INTS1: variants seen among roughly 807,000 people sequenced by gnomAD.
The protein encoded by INTS1 is integrator complex subunit 1.
In INTS1, 137 loss-of-function variants were observed where a neutral mutation model predicts 241.6. The observed-to-expected ratio is 0.57, with a 90% CI of 0.49 to 0.65. The LOEUF is 0.65. INTS1 is among the 30% of genes least tolerant of loss of function. The pLI, the probability that INTS1 is intolerant of heterozygous loss-of-function variation, is 0.00. For missense variants in INTS1, 3,073 were observed against 3,032.2 expected (o/e 1.01, Z -0.32); for synonymous variants, 1,692 against 1,337.8 (o/e 1.26, Z -5.78).
intron 16 of INTS1, 135 bp downstream of exon 16, chr7:1,492,875 C>G (rs1164660419): frequency 2.0e-6 from 1 of 508,750 alleles, no homozygotes; most frequent in Non-Finnish European, 3.4e-6. Context: ...CGGGCTTACC[C>G]GGGCGGGAGT....
At chr7:1,500,859 C>A (rs1186962025) in intron 3 of INTS1, 1 of 156,334 alleles carries the variant, frequency 6.4e-6, no homozygotes, top group Non-Finnish European at 1.4e-5. Flanking sequence ...GACCCTCCCA[C>A]ATCCTCTGAG....
rs1583147492 is a variant in INTS1, at chr7:1,494,035, C to G, written c.1911-124G>C. 16 of 1,221,864 alleles carry G rather than the reference C, an allele frequency of 1.3e-5. No homozygotes were observed. The East Asian group carries it at 4.2e-4, about 32-fold the overall frequency. The allele number at this position is 1,221,864 out of a possible 1,614,324, so 75.7% of individuals were successfully genotyped here. A position where few individuals can be genotyped will look rare whatever the true frequency, so the allele number is the denominator to read the frequency against. On this transcript the variant is annotated intron_variant, in intron 14 of 47. Transcript: ENST00000404767. Reference sequence around the variant, plus strand: ...TGGTGGCAGAGGGCTGCTGCTGCCTCCCACGAGCCTATCCCCTCCAACCTG... The same window carrying G: ...TGGTGGCAGAGGGCTGCTGCTGCCTGCCACGAGCCTATCCCCTCCAACCTG...
At chr7:1,487,598 C>G in intron 19 of INTS1, 149 bp from the exon 20 acceptor site, 1 of 1,285,292 alleles carries the variant, frequency 7.8e-7, no homozygotes, top group Non-Finnish European at 1.1e-6. Flanking sequence ...GGCCTGGCCC[C>G]ACAGCAGTAA....
At chr7:1,499,709 G>T (rs1783061601) in intron 5 of INTS1, 77 bp from the exon 6 acceptor site, 1 of 1,507,928 alleles carries the variant, frequency 6.6e-7, no homozygotes, top group African/African-American at 1.4e-5. Context: ...CTGCTGCCCG[G>T]GGACTGGGTG....
chr7:1,498,808 G>A lies in INTS1; in HGVS notation c.1182C>T (p.Asn394=), dbSNP rs1401636032. 1.2e-6 allele frequency: 2 copies of A among 1,605,498 alleles called. No homozygotes were observed. Among genetic ancestry groups the A allele is most frequent in the South Asian group, 2.3e-5 (2 of 88,772 alleles). The change falls in exon 9 of 48, where the codon AAC becomes AAT. Residue 394 remains asparagine, a synonymous_variant. Coordinates refer to ENST00000404767, the MANE Select transcript of INTS1 (RefSeq NM_001080453.3). ...TGTCTTCGGAACCGTGCGTGTTGCA[G>A]TTCATGCAGACGGACATCAGCAGGT... ...AQDLLMSVCM[N]CNTHGSEDMD... is the part of the protein sequence containing the mutation.
At chr7:1,501,605 G>A (rs557868414) in intron 3 of INTS1, among the ~76,000 whole-genome samples, 7 of 152,310 alleles carry the variant, frequency 4.6e-5, no homozygotes, top group Non-Finnish European at 8.8e-5. Flanking sequence ...AGGAGGTAGT[G>A]CTAAAGATAA....
chr7:1,486,630 T>G lies in INTS1; in HGVS notation c.2971A>C (p.Met991Leu), dbSNP rs376717716. Reference protein sequence around the residue: ...SSQVASRVLAMKGLSLVLSEG... With the variant: ...SSQVASRVLALKGLSLVLSEG... ...AGACCCGCCCACCACCTCACCTTCA[T>G]GGCCAGCACGCGGGAGGCCACCTGG... The change falls in exon 22 of 48, where the codon ATG (methionine) becomes CTG (leucine). Residue 991 changes from methionine (M) to leucine (L), a missense_variant. By Grantham distance (15) the Met-to-Leu change is conservative. Coordinates refer to ENST00000404767, the MANE Select transcript of INTS1 (RefSeq NM_001080453.3). The G allele has an allele frequency of 2.5e-6, 4 of 1,611,436 alleles. No homozygotes were observed. The African/African-American group carries it at 5.3e-5, about 22-fold the overall frequency.
chr7:1,471,354 G>T, intron 45 of INTS1, 130 bp from the exon 46 acceptor site: 1 of 1,059,302 alleles, frequency 9.4e-7, no homozygotes, highest in Non-Finnish European at 1.4e-6. Flanking sequence ...AAGGCAGGAC[G>T]CACGTGCCAC....
chr7:1,473,467 G>A, intron 42 of INTS1, 99 bp downstream of exon 42: 1 of 1,405,192 alleles, frequency 7.1e-7, no homozygotes, highest in Non-Finnish European at 9.7e-7. Flanking sequence ...CTCAGGAGCA[G>A]CATATCTGAC....
rs1015629582 is a variant in INTS1, at chr7:1,480,410, G to A, written c.3981C>T (p.Ser1327=). 2 of 1,613,420 alleles carry A rather than the reference G, an allele frequency of 1.2e-6. No individual in the cohort carries two copies. The highest frequency in any genetic ancestry group is 1.3e-5 in the African/African-American group (1 of 75,066). The change falls in exon 30 of 48, where the codon AGC becomes AGT. Residue 1327 remains serine, a synonymous_variant. Coordinates refer to ENST00000404767, the MANE Select transcript of INTS1 (RefSeq NM_001080453.3). ...DSTEAPKPKS[S]PEQPIGQGRI... The stretch of plus-strand genomic sequence containing the variant: ...GGCCCTGGCCTATGGGCTGCTCTGG[G>A]CTGCTCTTTGGTTTGGGTGCCTCTG...
rs373849733 is a variant in INTS1, at chr7:1,487,910, G to C, written c.2366C>G (p.Thr789Arg). Residue 789 changes from threonine (T) to arginine (R), a missense_variant, in exon 19 of 48, where the codon ACG (threonine) becomes AGG (arginine). Thr to Arg is a moderately conservative substitution (Grantham distance 71, BLOSUM62 -1). Coordinates refer to ENST00000404767, the MANE Select transcript of INTS1 (RefSeq NM_001080453.3). The stretch of plus-strand genomic sequence containing the variant: ...CTGCAGCTCACGGTTCAGCATCTCC[G>C]TCCGGGTCTCCTCATCCGTCAGGGT... ...PCTLTDEETR[T>R]EMLNRELQTA... is the part of the protein sequence containing the mutation. 2 of 1,613,472 alleles carry C rather than the reference G, an allele frequency of 1.2e-6. No individual in the cohort carries two copies. Among genetic ancestry groups the C allele is most frequent in the Non-Finnish European group, 8.5e-7 (1 of 1,179,846 alleles).
In INTS1 at chr7:1,493,575, G is replaced by A. The variant is rs566854968; in HGVS notation, c.2068+179C>T. Among the ~76,000 whole-genome samples, 4 of 149,184 alleles carry A rather than the reference G, an allele frequency of 2.7e-5. No homozygotes were observed. Among genetic ancestry groups the A allele is most frequent in the South Asian group, 4.2e-4 (2 of 4,794 alleles). Reference sequence around the variant, plus strand: ...CTGCACCATTGCCAAATACACGCACGCTTCTGAATTCCCAACGGCAGATGT... The same window carrying A: ...CTGCACCATTGCCAAATACACGCACACTTCTGAATTCCCAACGGCAGATGT... On this transcript the variant is annotated intron_variant, in intron 15 of 47. Coordinates refer to ENST00000404767, the MANE Select transcript of INTS1 (RefSeq NM_001080453.3). The surrounding 1 kb of genome is among the most constrained non-coding windows in gnomAD (Gnocchi z 5.3).
intron 22 of INTS1, 55 bp downstream of exon 22, chr7:1,486,570 C>T: frequency 6.4e-7 from 1 of 1,562,822 alleles, no homozygotes; most frequent in Non-Finnish European, 8.7e-7. Context: ...CGGTCCCCAG[C>T]CTACTCATTT....
In INTS1 at chr7:1,498,544, C is replaced by T; in HGVS notation, c.1293G>A (p.Leu431=). 1.2e-6 allele frequency: 2 copies of T among 1,613,734 alleles called. No individual in the cohort carries two copies. Among genetic ancestry groups the T allele is most frequent in the Non-Finnish European group, 1.7e-6 (2 of 1,179,840 alleles). ...NHFMLCIREL[L]SAHKDNLGTT... is the part of the protein sequence containing the mutation. ...TGCCCAGGTTGTCCTTGTGCGCGCT[C>T]AGCAGCTCCCTGGGTGAGGTGAGGG... The change falls in exon 10 of 48, where the codon CTG becomes CTA. Residue 431 remains leucine, a synonymous_variant. Coordinates refer to ENST00000404767, the MANE Select transcript of INTS1 (RefSeq NM_001080453.3).
Position 1,495,508 on chromosome 7 carries a change from T to C in INTS1, c.1757A>G (p.Gln586Arg). Residue 586 changes from glutamine to arginine, a missense_variant, in exon 13 of 48, where the codon CAG becomes CGG. Coordinates refer to ENST00000404767, the MANE Select transcript of INTS1 (RefSeq NM_001080453.3). The stretch of plus-strand genomic sequence containing the variant: ...GTGGAGCCACCAGACGGCATCCCGC[T>C]GGATGGCGGCAATCTGGTTCTGGAA... ...RSFQNQIAAI[Q>R]RDAVWWLHTV... is the part of the protein sequence containing the mutation. 6.2e-7 allele frequency: 1 copy of C among 1,612,682 alleles called. No individual in the cohort carries two copies. Among genetic ancestry groups the C allele is most frequent in the Non-Finnish European group, 8.5e-7 (1 of 1,179,682 alleles).
Position 1,494,880 on chromosome 7 carries a change from G to A in INTS1, c.1846C>T (p.Leu616=). The stretch of plus-strand genomic sequence containing the variant: ...TAGGTCTCCGGCTGCTCTGTGAACA[G>A]CACCTTGTGCAGGCTGGGCAGGCAG... ...KDYVHCLHKV[L]FTEQPETYYK... The change falls in exon 14 of 48, where the codon CTG becomes TTG. Residue 616 remains leucine (L), a synonymous_variant. Transcript: ENST00000404767. 3 of 1,563,052 alleles carry A rather than the reference G, an allele frequency of 1.9e-6. No homozygotes were observed. Among genetic ancestry groups the A allele is most frequent in the Non-Finnish European group, 1.7e-6 (2 of 1,154,284 alleles).
Position 1,497,873 on chromosome 7 carries a change from GC to G in INTS1, c.1425+538del, listed in dbSNP as rs1188848970. 6.6e-6 allele frequency among the ~76,000 whole-genome samples: 1 copy of G among 152,234 alleles called. No individual in the cohort carries two copies. Among genetic ancestry groups the G allele is most frequent in the Non-Finnish European group, 1.5e-5 (1 of 68,044 alleles). On this transcript the variant is annotated intron_variant, in intron 10 of 47. Transcript: ENST00000404767. The surrounding 1 kb of genome is among the most constrained non-coding windows in gnomAD (Gnocchi z 5.3). Reference sequence around the variant, plus strand: ...GACACGGAAATCCAAGGGTCCTACAGCCAGGGCTACAGGGACCCCTGCTTAA... The same window carrying G: ...GACACGGAAATCCAAGGGTCCTACAGCAGGGCTACAGGGACCCCTGCTTAA...
Position 1,478,857 on chromosome 7 carries a change from G to A in INTS1, c.4358C>T (p.Ser1453Phe). 1.2e-6 allele frequency: 2 copies of A among 1,610,646 alleles called. No homozygotes were observed. The highest frequency in any genetic ancestry group is 1.7e-6 in the Non-Finnish European group (2 of 1,178,628). Residue 1453 changes from serine (S) to phenylalanine (F), a missense_variant, in exon 32 of 48, where the codon TCC becomes TTC. Transcript: ENST00000404767. Reference protein sequence around the residue: ...QRCVPQDTGFSSLFLKVLLQM... With the variant: ...QRCVPQDTGFFSLFLKVLLQM... ...CAGGAGCACCTTCAGGAAGAGCGAGGAGAAGCCGGTGTCCTGTGGCACACA... is the reference window on the plus strand; with the variant it reads ...CAGGAGCACCTTCAGGAAGAGCGAGAAGAAGCCGGTGTCCTGTGGCACACA...
intron 40 of INTS1, 146 bp downstream of exon 40, chr7:1,474,559 C>T: frequency 7.9e-7 from 1 of 1,271,772 alleles, no homozygotes; most frequent in Non-Finnish European, 1.1e-6. Flanking sequence ...CAGCTCAGTC[C>T]TGACTTCCCC....
Sources: gnomAD v4.1 joint callset for allele counts (sites outside exome capture counted in the v4.1 genomes callset) on GRCh38, gnomAD v4.1.1 for gene constraint, Gnocchi (gnomAD v3.1) non-coding constraint, MANE v1.5 for transcripts, NCBI Gene and HGNC (gene_info 2026-07-23, HGNC 2026-07-21) for gene names.